The following ADGRL3 variants were observed in gnomAD, a reference collection of about 807,000 sequenced individuals.
ADGRL3 encodes adhesion G protein-coupled receptor L3.
Under a neutral mutation model 153.5 loss-of-function variants are expected in ADGRL3, and 62 were observed. The ratio of observed to expected loss-of-function variants is 0.40; its 90% CI spans 0.33 to 0.50. ADGRL3 has a LOEUF of 0.50. Among genes scored for constraint, ADGRL3 ranks in the 20% least tolerant of loss-of-function variants. The pLI is 0.47. For synonymous variants in ADGRL3, 710 were observed against 672.5 expected (o/e 1.06, Z -0.86); for missense variants, 1,641 against 1,859.4 (o/e 0.88, Z 2.16).
chr4:61,330,187 A>C (rs1200597512), intron 1 of ADGRL3, among the ~76,000 whole-genome samples: 1 of 152,126 alleles, frequency 6.6e-6, no homozygotes, highest in Non-Finnish European at 1.5e-5. Context: ...GGTTAATTTG[A>C]TGTGTTTACT....
chr4:61,980,472 C>G (rs1415850168), intron 18 of ADGRL3, among the ~76,000 whole-genome samples: 1 of 151,590 alleles, frequency 6.6e-6, no homozygotes, highest in Admixed American at 6.6e-5. Flanking sequence ...AAAGGTCTCA[C>G]TCTGTCATTC....
In ADGRL3 at chr4:61,705,337, A is replaced by G. The variant is rs191521649; in HGVS notation, c.584-25285A>G. Among the ~76,000 whole-genome samples the G allele has an allele frequency of 5.1e-3, 781 of 151,798 alleles. 14 individuals carry two copies. The highest frequency in any genetic ancestry group is 3.4e-3 in the Middle Eastern group (1 of 290). ...TTCACATCAGAGCTTTGAGGTGGCT[A>G]GGTATGTTCTTCAATGACTAGTGGG... On this transcript the variant is annotated intron_variant, in intron 6 of 26. Transcript: ENST00000683033.
At chr4:61,785,266 C>G (rs998080844) in intron 8 of ADGRL3, among the ~76,000 whole-genome samples, 6 of 152,214 alleles carry the variant, frequency 3.9e-5, no homozygotes, top group African/African-American at 1.4e-4. Flanking sequence ...TGGGTGAAAA[C>G]AAATTCTTAT....
At position 62,071,712 on chromosome 4, in the gene ADGRL3, T is replaced by C. The variant is rs1037442049; in HGVS notation, c.*804T>C. ...TGTCTACCAGTAAGAGAGCAAAGTT[T>C]CCTTCCTTTCTTCTCTTTCTTCATT... is the stretch of plus-strand genomic sequence containing the variant. On this transcript the variant is annotated 3_prime_UTR_variant, in exon 27 of 27. Coordinates refer to ENST00000683033, the MANE Select transcript of ADGRL3 (RefSeq NM_001387552.1). 2.3e-6 allele frequency: 1 copy of C among 429,322 alleles called. No individual in the cohort carries two copies. The highest frequency in any genetic ancestry group is 2.1e-5 in the African/African-American group (1 of 48,040). 26.6% of individuals were successfully genotyped at this position (429,322 alleles called of 1,614,324 possible). A position where few individuals can be genotyped will look rare whatever the true frequency, so the allele number is the denominator to read the frequency against.
rs529886581 is a variant in ADGRL3 at position 61,200,562 on chromosome 4, C to T, written c.-1443C>T. Among the ~76,000 whole-genome samples the T allele has an allele frequency of 6.6e-6, 1 of 151,804 alleles. No individual in the cohort carries two copies. Among genetic ancestry groups the T allele is most frequent in the South Asian group, 2.1e-4 (1 of 4,808 alleles). On this transcript the variant is annotated 5_prime_UTR_variant, in exon 1 of 27. Coordinates refer to ENST00000683033, the MANE Select transcript of ADGRL3 (RefSeq NM_001387552.1). The stretch of plus-strand genomic sequence containing the variant: ...TTTCTCGGACTGCTCGTTGCCTCCG[C>T]TCCGGCAGCTGCTGCCGCCGCCACC...
chr4:61,424,095 A>G (rs559272022), intron 2 of ADGRL3, among the ~76,000 whole-genome samples: 1 of 152,194 alleles, frequency 6.6e-6, no homozygotes, highest in South Asian at 2.1e-4. Flanking sequence ...CAGGGGGTGA[A>G]GGGGCATAGG....
intron 1 of ADGRL3, among the ~76,000 whole-genome samples, chr4:61,309,295 C>T (rs2094913060): frequency 6.6e-6 from 1 of 152,034 alleles, no homozygotes; most frequent in Non-Finnish European, 1.5e-5. Context: ...TTGGTTCTCC[C>T]CCTGTTATAC....
intron 1 of ADGRL3, among the ~76,000 whole-genome samples, chr4:61,262,679 A>G (rs190893084): frequency 2.0e-5 from 3 of 152,212 alleles, no homozygotes; most frequent in Non-Finnish European, 4.4e-5. Flanking sequence ...CGTTTATCTT[A>G]ACAGAAAAAA....
intron 6 of ADGRL3, among the ~76,000 whole-genome samples, chr4:61,677,752 T>G (rs575430725): frequency 6.6e-6 from 1 of 152,170 alleles, no homozygotes; most frequent in Admixed American, 6.6e-5. Flanking sequence ...TTCAACTTCC[T>G]TTGATGTTTC....
Position 61,587,287 on chromosome 4 carries a change from A to G in ADGRL3, c.320A>G (p.Tyr107Cys). Residue 107 changes from tyrosine (Y) to cysteine (C), a missense_variant, in exon 5 of 27, where the codon TAT becomes TGT. Around this residue, in one of 5 missense-constraint regions of ADGRL3, gnomAD observed 213 missense variants for 362.1 expected, o/e 0.59. Coordinates refer to ENST00000683033, the MANE Select transcript of ADGRL3 (RefSeq NM_001387552.1). ...VVRRELSCES[Y>C]PIELRCPGTD... ...CGCAGAGAGCTATCCTGTGAGAGCT[A>G]TCCTATAGAGCTTCGCTGTCCAGGA... 1.2e-6 allele frequency: 2 copies of G among 1,611,218 alleles called. No individual in the cohort carries two copies. The highest frequency in any genetic ancestry group is 1.7e-6 in the Non-Finnish European group (2 of 1,178,562).
At chr4:61,635,572 C>T (rs1037755936) in intron 5 of ADGRL3, among the ~76,000 whole-genome samples, 2 of 151,372 alleles carry the variant, frequency 1.3e-5, no homozygotes, top group Non-Finnish European at 3.0e-5. Flanking sequence ...CTCTTAAGTC[C>T]TGCTACAGAG....
chr4:61,371,992 C>T (rs1032828788), intron 1 of ADGRL3, among the ~76,000 whole-genome samples: 5 of 152,150 alleles, frequency 3.3e-5, no homozygotes, highest in African/African-American at 7.2e-5. Flanking sequence ...CATCTTCCAT[C>T]GCTGATACCC....
At chr4:61,296,284 T>G (rs1267030272) in intron 1 of ADGRL3, among the ~76,000 whole-genome samples, 1 of 151,818 alleles carries the variant, frequency 6.6e-6, no homozygotes, top group Non-Finnish European at 1.5e-5. Flanking sequence ...ACTTGACAGG[T>G]TGAGAGTCAC....
At chr4:61,976,795 A>G (rs936468579) in intron 17 of ADGRL3, among the ~76,000 whole-genome samples, 3 of 152,162 alleles carry the variant, frequency 2.0e-5, no homozygotes, top group South Asian at 2.1e-4. Context: ...CTGTGAGTCC[A>G]TTAAACTGCT....
intron 8 of ADGRL3, among the ~76,000 whole-genome samples, chr4:61,746,673 C>A (rs2096666170): frequency 6.6e-6 from 1 of 152,124 alleles, no homozygotes; most frequent in Non-Finnish European, 1.5e-5. Context: ...AACAAAGAAA[C>A]AACATACCAG....
At chr4:61,741,230 T>G (rs1429900897) in intron 8 of ADGRL3, among the ~76,000 whole-genome samples, 1 of 152,176 alleles carries the variant, frequency 6.6e-6, no homozygotes, top group Non-Finnish European at 1.5e-5. Context: ...CGTCAGAAAA[T>G]GGAGCCTAAA....
chr4:61,897,075 C>A (rs765600793), intron 11 of ADGRL3, among the ~76,000 whole-genome samples: 1 of 152,066 alleles, frequency 6.6e-6, no homozygotes, highest in African/African-American at 2.4e-5. Context: ...ATGCTTAATT[C>A]TTTTCTTTTC....
intron 1 of ADGRL3, among the ~76,000 whole-genome samples, chr4:61,350,325 A>G (rs1478969657): frequency 2.7e-5 from 4 of 150,720 alleles, no homozygotes; most frequent in East Asian, 3.9e-4. Context: ...TATGCCTCCC[A>G]AAAACATTCT....
At chr4:61,467,167 A>G (rs1240413898) in intron 2 of ADGRL3, among the ~76,000 whole-genome samples, 2 of 152,098 alleles carry the variant, frequency 1.3e-5, no homozygotes, top group Non-Finnish European at 1.5e-5. Context: ...TATAATACCA[A>G]TGTTTTTAAT....
Sources: allele counts gnomAD v4.1 joint callset (sites outside exome capture counted in the v4.1 genomes callset), GRCh38; gene constraint gnomAD v4.1.1; regional missense constraint gnomAD v4.1.1; transcripts MANE v1.5; gene names NCBI Gene and HGNC (gene_info 2026-07-23, HGNC 2026-07-21).